The following PAAF1 variants were observed in gnomAD, a reference collection of about 807,000 sequenced individuals.
PAAF1 encodes proteasomal ATPase associated factor 1, also known as proteasomal ATPase-associated factor 1.
Under a neutral mutation model 52.8 loss-of-function variants are expected in PAAF1, and 46 were observed. That is an observed-to-expected ratio of 0.87 (90% confidence interval 0.69 to 1.11). The LOEUF (loss-of-function observed/expected upper bound fraction) is 1.11. Among genes scored for constraint, PAAF1 ranks in the 50% most tolerant of loss-of-function variants. The pLI is 0.00. For synonymous variants in PAAF1, 178 were observed against 172.8 expected, an observed-to-expected ratio of 1.03 and a Z score of -0.24; for missense variants, 424 against 477.4, an observed-to-expected ratio of 0.89 and a Z score of 1.04.
intron 10 of PAAF1, among the ~76,000 whole-genome samples, chr11:73,923,604 T>C (rs1419550505): frequency 6.6e-6 from 1 of 152,106 alleles, no homozygotes; most frequent in African/African-American, 2.4e-5. Context: ...GGCACCATCT[T>C]GGCTCACTGC....
In PAAF1 at chr11:73,927,508, G is replaced by A. The variant is rs1239613220; in HGVS notation, c.*146G>A. 22 of 679,286 alleles carry A rather than the reference G, an allele frequency of 3.2e-5. No individual in the cohort carries two copies. The highest frequency in any genetic ancestry group is 7.2e-5 in the African/African-American group (4 of 55,894). 42.1% of individuals were successfully genotyped at this position (679,286 alleles called of 1,614,324 possible). On this transcript the variant is annotated 3_prime_UTR_variant, in exon 12 of 12. Transcript: ENST00000310571. ...TCACAGAAAGTCAGCTGTACTGGCC[G>A]TGTGGAACTCTCATCCCAAGACCTA...
intron 10 of PAAF1, among the ~76,000 whole-genome samples, chr11:73,924,207 C>T (rs544975013): frequency 6.6e-6 from 1 of 152,252 alleles, no homozygotes; most frequent in East Asian, 1.9e-4. Context: ...GTAATCCCAG[C>T]ACCTTGGGAG....
intron 2 of PAAF1, 151 bp from the exon 3 acceptor site, chr11:73,887,203 T>C: frequency 1.8e-6 from 1 of 560,190 alleles, no homozygotes. Flanking sequence ...CTCTTTTTAC[T>C]TCACCTGACT....
At chr11:73,879,531 C>T (rs1404375112) in intron 2 of PAAF1, 3 of 152,126 alleles carry the variant, frequency 2.0e-5, no homozygotes, top group African/African-American at 4.8e-5. Flanking sequence ...TGCTGATTAT[C>T]TTTCATTTCA....
At chr11:73,916,713 TA>T in intron 9 of PAAF1, 53 bp downstream of exon 9, 1 of 1,293,564 alleles carries the variant, frequency 7.7e-7, no homozygotes, top group Non-Finnish European at 1.1e-6. Context: ...TGGAAATTTT[TA>T]TTGGCTTTAA....
intron 11 of PAAF1, among the ~76,000 whole-genome samples, chr11:73,926,228 T>G (rs1950352588): frequency 6.6e-6 from 1 of 152,080 alleles, no homozygotes; most frequent in African/African-American, 2.4e-5. Flanking sequence ...TGCCTCAGCC[T>G]CTCGAGCAGC....
intron 2 of PAAF1, 147 bp downstream of exon 2, chr11:73,878,966 C>G: frequency 1.9e-6 from 1 of 528,438 alleles, no homozygotes; most frequent in Non-Finnish European, 3.3e-6. Context: ...TGGCCAACAC[C>G]CCAACTCCTC....
At chr11:73,912,946 G>A (rs112351082) in intron 7 of PAAF1, among the ~76,000 whole-genome samples, 8 of 152,090 alleles carry the variant, frequency 5.3e-5, no homozygotes, top group African/African-American at 1.7e-4. Flanking sequence ...GCACGTTCTC[G>A]GCTCACTGCA....
chr11:73,919,076 A>G lies in PAAF1; in HGVS notation c.1018+44A>G, dbSNP rs752637138. On this transcript the variant is annotated intron_variant, in intron 10 of 11. Transcript: ENST00000310571. ...TGAGAGAGATGCTTCTCTGTAGTTC[A>G]GTTAATTAAACATAGTTTTAAGTGT... is the stretch of plus-strand genomic sequence containing the variant. 8 of 1,517,070 alleles carry G rather than the reference A, an allele frequency of 5.3e-6. No individual in the cohort carries two copies. In the Admixed American group the frequency reaches 1.3e-4, roughly 25 times the overall value. The allele number at this position is 1,517,070 out of a possible 1,614,324, so 94.0% of individuals were successfully genotyped here.
chr11:73,927,417 G>T lies in PAAF1; in HGVS notation c.*55G>T. ...AAAAGGTTTGACCCTGATCAACAAT[G>T]AGCAGAAACATCATCAGTCCTTCCC... On this transcript the variant is annotated 3_prime_UTR_variant, in exon 12 of 12. Coordinates refer to ENST00000310571, the MANE Select transcript of PAAF1 (RefSeq NM_025155.3). The T allele has an allele frequency of 7.1e-7, 1 of 1,402,006 alleles. No homozygotes were observed. The highest frequency in any genetic ancestry group is 1.0e-6 in the Non-Finnish European group (1 of 990,612). 86.8% of individuals were successfully genotyped at this position (1,402,006 alleles called of 1,614,324 possible).
chr11:73,881,486 C>G (rs1948905183), intron 2 of PAAF1, among the ~76,000 whole-genome samples: 1 of 152,100 alleles, frequency 6.6e-6, no homozygotes. Flanking sequence ...CAGGGTTTCA[C>G]CATGTTGGCC....
At chr11:73,926,354 TC>T (rs1265546320) in intron 11 of PAAF1, among the ~76,000 whole-genome samples, 2 of 152,180 alleles carry the variant, frequency 1.3e-5, no homozygotes, top group Admixed American at 6.5e-5. Flanking sequence ...TGCCTCAGCC[TC>T]CCAAAGTGCT....
rs538860940 is a variant in PAAF1 at position 73,909,496 on chromosome 11, C to T, written c.630C>T (p.Cys210=). 2.0e-5 allele frequency: 32 copies of T among 1,614,190 alleles called. No individual in the cohort carries two copies. The East Asian group carries it at 3.6e-4, about 18-fold the overall frequency. ...TTTGGGATTGTGGGCGCTCAGCCTG[C>T]TTGGGAGTCCTTGCAGATTGTGGTT... The part of the protein sequence containing the change: ...ARLWDCGRSA[C]LGVLADCGSS... The change falls in exon 7 of 12, where the codon TGC becomes TGT. Residue 210 remains cysteine, a synonymous_variant. Transcript: ENST00000310571.
At chr11:73,897,867 A>G (rs571111786) in intron 4 of PAAF1, among the ~76,000 whole-genome samples, 5 of 125,836 alleles carry the variant, frequency 4.0e-5, no homozygotes, top group South Asian at 2.7e-4. Flanking sequence ...CCGAGATCAC[A>G]CCACTGCACT....
At chr11:73,896,605 A>G (rs11235947) in intron 4 of PAAF1, among the ~76,000 whole-genome samples, 12,545 of 151,310 alleles carry the variant, frequency 0.083, 623 homozygotes, top group South Asian at 0.25. Flanking sequence ...CAGAGAGCAC[A>G]GGGTTGGGGG....
chr11:73,914,310 G>A (rs1950006239), intron 7 of PAAF1, 103 bp from the exon 8 acceptor site: 2 of 903,508 alleles, frequency 2.2e-6, no homozygotes, highest in Non-Finnish European at 3.6e-6. Flanking sequence ...TGTAATAAGT[G>A]AATCGCTAAC....
intron 8 of PAAF1, among the ~76,000 whole-genome samples, chr11:73,915,290 A>G (rs1418532496): frequency 1.3e-5 from 2 of 152,200 alleles, no homozygotes; most frequent in Non-Finnish European, 2.9e-5. Context: ...CCTCTAAGGT[A>G]ATGTGAAAAA....
At chr11:73,902,067 G>T (rs781158504) in intron 6 of PAAF1, among the ~76,000 whole-genome samples, 4 of 151,688 alleles carry the variant, frequency 2.6e-5, no homozygotes, top group Non-Finnish European at 5.9e-5. Flanking sequence ...GTTTCGCTGT[G>T]TTGGCTGGGC....
rs541121559 is a variant in PAAF1, at chr11:73,922,126, G to A, written c.1019-2489G>A. ...GGTCCTTTGAATTGACTTCTGATAG[G>A]TAACAGTGCCATGTTTCCAATGAGT... On this transcript the variant is annotated intron_variant, in intron 10 of 11. Coordinates refer to ENST00000310571, the MANE Select transcript of PAAF1 (RefSeq NM_025155.3). 39 of 926,892 alleles carry A rather than the reference G, an allele frequency of 4.2e-5. No individual in the cohort carries two copies. In the South Asian group the frequency reaches 5.0e-4, roughly 12 times the overall value. The allele number at this position is 926,892 out of a possible 1,614,324, so 57.4% of individuals were successfully genotyped here.
Sources: gnomAD v4.1 joint callset for allele counts (sites outside exome capture counted in the v4.1 genomes callset) on GRCh38, gnomAD v4.1.1 for gene constraint, MANE v1.5 for transcripts, NCBI Gene and HGNC (gene_info 2026-07-23, HGNC 2026-07-21) for gene names.